MINPP1: variants seen among roughly 807,000 people sequenced by gnomAD.
The protein encoded by MINPP1 is multiple inositol-polyphosphate phosphatase 1, also known as multiple inositol polyphosphate phosphatase 1.
In MINPP1, 28 loss-of-function variants were observed where a neutral mutation model predicts 46.1. The observed-to-expected ratio is 0.61, with a 90% CI of 0.45 to 0.83. The LOEUF is 0.83. Among genes scored for constraint, MINPP1 ranks in the 40% least tolerant of loss-of-function variants. MINPP1 has a pLI of 0.00. For missense variants in MINPP1, 603 were observed against 610.0 expected, an observed-to-expected ratio of 0.99 and a Z score of 0.12; for synonymous variants, 268 against 249.1, an observed-to-expected ratio of 1.08 and a Z score of -0.72.
At chr10:87,524,478 A>G (rs1851547263) in intron 4 of MINPP1, among the ~76,000 whole-genome samples, 1 of 152,194 alleles carries the variant, frequency 6.6e-6, no homozygotes, top group Non-Finnish European at 1.5e-5. Flanking sequence ...CTTATCATCC[A>G]TGTGTTCACT....
rs1299774958 is a variant in MINPP1 at position 87,505,383 on chromosome 10, G to A, written c.468G>A (p.Gln156=). The change falls in exon 1 of 5, where the codon CAG becomes CAA. Residue 156 remains glutamine, a synonymous_variant. Coordinates refer to ENST00000371996, the MANE Select transcript of MINPP1 (RefSeq NM_004897.5). This position sits in a 1 kb window ranked among gnomAD's most constrained non-coding sequence, Gnocchi z 4.4. ...AGAAGGGACGGCAGGATATGCGACA[G>A]CTGGCGCTGCGTCTGGCCTCGCTCT... The part of the protein sequence containing the change: ...LVEKGRQDMR[Q]LALRLASLFP... 1.2e-6 allele frequency: 2 copies of A among 1,613,900 alleles called. No individual in the cohort carries two copies. Among genetic ancestry groups the A allele is most frequent in the East Asian group, 2.2e-5 (1 of 44,892 alleles).
intron 2 of MINPP1, among the ~76,000 whole-genome samples, chr10:87,511,174 T>A (rs1851328998): frequency 6.6e-6 from 1 of 152,214 alleles, no homozygotes; most frequent in African/African-American, 2.4e-5. Flanking sequence ...TATGGATATA[T>A]TAATTATATC....
At chr10:87,521,310 C>A in intron 4 of MINPP1, 141 bp downstream of exon 4, 1 of 634,186 alleles carries the variant, frequency 1.6e-6, no homozygotes, top group East Asian at 2.9e-5. Flanking sequence ...CAAAAGAATT[C>A]GATAACATAT....
rs957181169 is a variant in MINPP1, at chr10:87,515,390, AAAAAAAGG to A, written c.933+2184_933+2191del. Among the ~76,000 whole-genome samples the A allele has an allele frequency of 3.3e-5, 5 of 152,228 alleles. No homozygotes were observed. The South Asian group carries it at 6.2e-4, about 19-fold the overall frequency. ...CAACAAAGCAAGACTCTGTCTCAGAAAAAAAAGGAAAAAAGGAAAAAAAAGAACTTCTA... is the reference window on the plus strand; with the variant it reads ...CAACAAAGCAAGACTCTGTCTCAGAAAAAAAAGGAAAAAAAAGAACTTCTA... On this transcript the variant is annotated intron_variant, in intron 3 of 4. Coordinates refer to ENST00000371996, the MANE Select transcript of MINPP1 (RefSeq NM_004897.5).
rs191016316 is a variant in MINPP1, at chr10:87,509,743, A to G, written c.835+1210A>G. 2.4e-3 allele frequency: 811 copies of G among 332,862 alleles called. 13 individuals are homozygous for G. Among genetic ancestry groups the G allele is most frequent in the African/African-American group, 0.017 (774 of 46,432 alleles). The allele number at this position is 332,862 out of a possible 1,614,324, so 20.6% of individuals were successfully genotyped here. On this transcript the variant is annotated intron_variant, in intron 2 of 4. Transcript: ENST00000371996. The stretch of plus-strand genomic sequence containing the variant: ...TTAAAACTTTTAAGAGTGGTATCAA[A>G]GTTTATACCAGTCCAAAATTCTATT...
intron 4 of MINPP1, among the ~76,000 whole-genome samples, chr10:87,535,539 G>T (rs1851721647): frequency 6.6e-6 from 1 of 152,138 alleles, no homozygotes; most frequent in African/African-American, 2.4e-5. Context: ...TTAATTTGAT[G>T]GTTTGAGTTA....
At chr10:87,546,281 C>T (rs922241680) in intron 4 of MINPP1, among the ~76,000 whole-genome samples, 14 of 152,046 alleles carry the variant, frequency 9.2e-5, no homozygotes, top group African/African-American at 2.7e-4. Flanking sequence ...CAGGAGTTGC[C>T]GTGGCATCTG....
rs551618105 is a variant in MINPP1, at chr10:87,524,970, C to T, written c.1067+3801C>T. ...TGTATTACTAAAATGTGATACATTACTAAAATGTGATACATTACTAAAATG... is the reference window on the plus strand; with the variant it reads ...TGTATTACTAAAATGTGATACATTATTAAAATGTGATACATTACTAAAATG... On this transcript the variant is annotated intron_variant, in intron 4 of 4. Coordinates refer to ENST00000371996, the MANE Select transcript of MINPP1 (RefSeq NM_004897.5). Among the ~76,000 whole-genome samples, 4 of 151,958 alleles carry T rather than the reference C, an allele frequency of 2.6e-5. No individual in the cohort carries two copies. The South Asian group carries it at 6.3e-4, about 24-fold the overall frequency.
At chr10:87,509,087 C>A (rs1056943796) in intron 2 of MINPP1, among the ~76,000 whole-genome samples, 2 of 152,042 alleles carry the variant, frequency 1.3e-5, no homozygotes, top group African/African-American at 4.8e-5. Flanking sequence ...GGGACACTTT[C>A]GAAAGTGAAA....
chr10:87,541,006 A>G (rs1851808777), intron 4 of MINPP1, among the ~76,000 whole-genome samples: 1 of 152,260 alleles, frequency 6.6e-6, no homozygotes, highest in Admixed American at 6.5e-5. Flanking sequence ...CACACACACA[A>G]ACTCCACAGC....
chr10:87,540,301 G>A (rs974344348), intron 4 of MINPP1, among the ~76,000 whole-genome samples: 5 of 152,134 alleles, frequency 3.3e-5, no homozygotes, highest in African/African-American at 1.2e-4. Flanking sequence ...TATGCTCTTA[G>A]CAATCTTATG....
rs1174819665 is a variant in MINPP1, at chr10:87,516,419, A to G, written c.933+3198A>G. On this transcript the variant is annotated intron_variant, in intron 3 of 4. Transcript: ENST00000371996. ...GGTGGGGTTGCATCCAGATAAACCCATGGTAGATTGAATATCTTAAGTTGG... is the reference window on the plus strand; with the variant it reads ...GGTGGGGTTGCATCCAGATAAACCCGTGGTAGATTGAATATCTTAAGTTGG... 3.8e-5 allele frequency among the ~76,000 whole-genome samples: 4 copies of G among 105,174 alleles called. 2 individuals are homozygous for G. Among genetic ancestry groups the G allele is most frequent in the Non-Finnish European group, 1.0e-4 (4 of 40,040 alleles). The allele number at this position is 105,174 out of a possible 152,430, so 69.0% of individuals were successfully genotyped here. A position where few individuals can be genotyped will look rare whatever the true frequency, so the allele number is the denominator to read the frequency against.
chr10:87,534,044 T>A lies in MINPP1; in HGVS notation c.1067+12875T>A, dbSNP rs1004584623. ...GTGTTGAAAGATACTGGCTAAATAT[T>A]TTTTTTTTTTTTTTTTTTTTTTTTT... On this transcript the variant is annotated intron_variant, in intron 4 of 4. Transcript: ENST00000371996. Among the ~76,000 whole-genome samples, 19 of 2,618 alleles carry A rather than the reference T, an allele frequency of 7.3e-3. No homozygotes were observed. The East Asian group carries it at 0.1, about 14-fold the overall frequency. The allele number at this position is 2,618 out of a possible 152,430, so 1.7% of individuals were successfully genotyped here. A position where few individuals can be genotyped will look rare whatever the true frequency, so the allele number is the denominator to read the frequency against.
intron 4 of MINPP1, among the ~76,000 whole-genome samples, chr10:87,533,132 A>T (rs147702479): frequency 0.011 from 1,711 of 150,776 alleles, 35 homozygotes; most frequent in African/African-American, 0.04. Flanking sequence ...TCCCACCCCT[A>T]CCCCTTGTTA....
At chr10:87,518,084 C>T (rs189075475) in intron 3 of MINPP1, among the ~76,000 whole-genome samples, 2,426 of 148,254 alleles carry the variant, frequency 0.016, 69 homozygotes, top group African/African-American at 0.057. Context: ...CTCAGCCTCC[C>T]GAGCAGCTGG....
intron 4 of MINPP1, among the ~76,000 whole-genome samples, chr10:87,525,293 C>A (rs1851560600): frequency 6.6e-6 from 1 of 152,176 alleles, no homozygotes; most frequent in South Asian, 2.1e-4. Flanking sequence ...CTCCATTCAC[C>A]CTCACTCTGC....
chr10:87,509,187 T>A (rs1252801065), intron 2 of MINPP1, among the ~76,000 whole-genome samples: 2 of 152,166 alleles, frequency 1.3e-5, no homozygotes. Flanking sequence ...AAATAAGATT[T>A]TTTTCTGTTT....
At chr10:87,509,803 C>A in intron 2 of MINPP1, 1 of 248,906 alleles carries the variant, frequency 4.0e-6, no homozygotes, top group Non-Finnish European at 8.5e-6. Flanking sequence ...GTAATGTTTG[C>A]AATTCTAGTC....
At chr10:87,534,829 C>T (rs1475885630) in intron 4 of MINPP1, among the ~76,000 whole-genome samples, 4 of 152,138 alleles carry the variant, frequency 2.6e-5, no homozygotes, top group African/African-American at 9.7e-5. Flanking sequence ...ATAACTGTGT[C>T]AGAGATTCTA....
Sources: gnomAD v4.1 joint callset for allele counts (sites outside exome capture counted in the v4.1 genomes callset) on GRCh38, gnomAD v4.1.1 for gene constraint, Gnocchi (gnomAD v3.1) non-coding constraint, MANE v1.5 for transcripts, NCBI Gene and HGNC (gene_info 2026-07-23, HGNC 2026-07-21) for gene names.